CACNA2D3: variants seen among roughly 807,000 people sequenced by gnomAD.
The protein encoded by CACNA2D3 is calcium voltage-gated channel auxiliary subunit alpha2delta 3.
CACNA2D3 carries 60 observed loss-of-function variants against 160.6 expected under a neutral mutation model. The ratio of observed to expected loss-of-function variants is 0.37; its 90% CI spans 0.30 to 0.46. The LOEUF (loss-of-function observed/expected upper bound fraction) is 0.46, where lower values mean the gene tolerates loss of function less well. CACNA2D3 is among the 20% of genes least tolerant of loss of function. The pLI, the probability that CACNA2D3 is intolerant of heterozygous loss-of-function variation, is 1.00. For synonymous variants in CACNA2D3, 558 were observed against 492.9 expected, an observed-to-expected ratio of 1.13 and a Z score of -1.75; for missense variants, 1,205 against 1,365.0, an observed-to-expected ratio of 0.88 and a Z score of 1.85.
chr3:54,945,949 C>T (rs1343251423), intron 27 of CACNA2D3, among the ~76,000 whole-genome samples: 5 of 152,190 alleles, frequency 3.3e-5, no homozygotes, highest in South Asian at 2.1e-4. Context: ...ACCTCTATCC[C>T]GGCTCCTGCT....
At chr3:54,650,965 C>G (rs1699752601) in intron 11 of CACNA2D3, among the ~76,000 whole-genome samples, 1 of 152,280 alleles carries the variant, frequency 6.6e-6, no homozygotes, top group Admixed American at 6.5e-5. Flanking sequence ...ATCGTTATCC[C>G]CTTTCACAGT....
At chr3:54,793,907 A>G (rs1702811843) in intron 13 of CACNA2D3, among the ~76,000 whole-genome samples, 1 of 152,066 alleles carries the variant, frequency 6.6e-6, no homozygotes, top group African/African-American at 2.4e-5. Flanking sequence ...TCTTTTGTAG[A>G]TATAGGGCTA....
At chr3:54,360,671 A>C (rs1312395154) in intron 3 of CACNA2D3, among the ~76,000 whole-genome samples, 1 of 152,160 alleles carries the variant, frequency 6.6e-6, no homozygotes, top group Non-Finnish European at 1.5e-5. Context: ...AGGCATGTTG[A>C]TACTGGCAGA....
intron 5 of CACNA2D3, among the ~76,000 whole-genome samples, chr3:54,516,433 C>G (rs991350896): frequency 1.3e-4 from 20 of 152,108 alleles, no homozygotes; most frequent in African/African-American, 4.6e-4. Flanking sequence ...GGTGGTAGAA[C>G]AATTCTGGAG....
At chr3:54,434,510 T>C (rs1169103984) in intron 4 of CACNA2D3, among the ~76,000 whole-genome samples, 1 of 152,232 alleles carries the variant, frequency 6.6e-6, no homozygotes, top group African/African-American at 2.4e-5. Flanking sequence ...TTCAGGGCTT[T>C]TGGGTGGTCC....
chr3:54,707,014 G>A (rs987064714), intron 11 of CACNA2D3, among the ~76,000 whole-genome samples: 2 of 152,168 alleles, frequency 1.3e-5, no homozygotes, highest in South Asian at 2.1e-4. Context: ...TTCTGCCCAA[G>A]TTATTTCTCT....
At chr3:54,773,312 AG>A (rs1273488712) in intron 13 of CACNA2D3, among the ~76,000 whole-genome samples, 3 of 152,234 alleles carry the variant, frequency 2.0e-5, no homozygotes, top group African/African-American at 7.2e-5. Context: ...AGCCATCCTA[AG>A]GATGTTCTTG....
intron 5 of CACNA2D3, among the ~76,000 whole-genome samples, chr3:54,552,938 A>G (rs1702183451): frequency 1.3e-5 from 2 of 152,338 alleles, no homozygotes; most frequent in South Asian, 4.1e-4. Flanking sequence ...CTAATCATTC[A>G]CCAGGGAATG....
intron 2 of CACNA2D3, among the ~76,000 whole-genome samples, chr3:54,204,477 A>T (rs898409398): frequency 1.3e-5 from 2 of 152,130 alleles, no homozygotes; most frequent in African/African-American, 4.8e-5. Flanking sequence ...AGGTGAAAAC[A>T]ATCAGAAAAA....
rs116708791 is a variant in CACNA2D3, at chr3:54,925,751, C to T, written c.2449+25883C>T. Among the ~76,000 whole-genome samples the T allele has an allele frequency of 3.4e-3, 521 of 152,280 alleles. 3 individuals are homozygous for T. Among genetic ancestry groups the T allele is most frequent in the Non-Finnish European group, 5.4e-3 (369 of 68,024 alleles). On this transcript the variant is annotated intron_variant, in intron 27 of 37. Transcript: ENST00000474759. Reference sequence around the variant, plus strand: ...GCTCTTGAGATGCAACTACTGCAACCAAGGAACTGAATTTTTATTTGTATT... The same window carrying T: ...GCTCTTGAGATGCAACTACTGCAACTAAGGAACTGAATTTTTATTTGTATT...
At chr3:54,198,467 A>C (rs1259308121) in intron 2 of CACNA2D3, among the ~76,000 whole-genome samples, 1 of 152,180 alleles carries the variant, frequency 6.6e-6, no homozygotes, top group African/African-American at 2.4e-5. Flanking sequence ...ACCTCAATAG[A>C]GTATTGATGG....
chr3:54,499,231 C>G (rs1701249514), intron 4 of CACNA2D3, among the ~76,000 whole-genome samples: 2 of 152,138 alleles, frequency 1.3e-5, no homozygotes, highest in Non-Finnish European at 1.5e-5. Flanking sequence ...AGTATAATCT[C>G]TGTGATTGCA....
intron 2 of CACNA2D3, among the ~76,000 whole-genome samples, chr3:54,210,046 T>C (rs1479862744): frequency 6.6e-6 from 1 of 152,186 alleles, no homozygotes; most frequent in Non-Finnish European, 1.5e-5. Context: ...AGAAGATCCA[T>C]ACCTTGATGG....
chr3:54,232,674 T>C (rs1352043762), intron 2 of CACNA2D3, among the ~76,000 whole-genome samples: 1 of 152,144 alleles, frequency 6.6e-6, no homozygotes, highest in Non-Finnish European at 1.5e-5. Flanking sequence ...CCTGTGTGGC[T>C]CTTTGTAAGT....
In CACNA2D3 at chr3:54,934,495, G is replaced by T. The variant is rs1169261543; in HGVS notation, c.2450-33955G>T. Among the ~76,000 whole-genome samples, 4 of 152,326 alleles carry T rather than the reference G, an allele frequency of 2.6e-5. No individual in the cohort carries two copies. In the East Asian group the frequency reaches 7.7e-4, roughly 29 times the overall value. On this transcript the variant is annotated intron_variant, in intron 27 of 37. Coordinates refer to ENST00000474759, the MANE Select transcript of CACNA2D3 (RefSeq NM_018398.3). ...TTTACTGCATATGAATATCAGCGGA[G>T]TTTGAACTCCCTTTAGCAGGCCTTG...
In CACNA2D3 at chr3:54,888,678, T is replaced by C. The variant is rs143845553; in HGVS notation, c.2150+626T>C. 2.4e-3 allele frequency among the ~76,000 whole-genome samples: 364 copies of C among 152,278 alleles called. 2 individuals are homozygous for C. The highest frequency in any genetic ancestry group is 4.1e-3 in the Non-Finnish European group (279 of 68,040). On this transcript the variant is annotated intron_variant, in intron 24 of 37. Transcript: ENST00000474759. ...CATGATTCATTTCTCTCCACTTTTC[T>C]GTTCTTCCTTAGTTCATTCCCTCAT...
chr3:54,579,011 C>T (rs958473034), intron 8 of CACNA2D3, among the ~76,000 whole-genome samples: 9 of 152,124 alleles, frequency 5.9e-5, no homozygotes, highest in Non-Finnish European at 1.2e-4. Context: ...AGTGAGTACA[C>T]GGTAGAGGCA....
At chr3:54,989,982 A>T (rs544909090) in intron 31 of CACNA2D3, among the ~76,000 whole-genome samples, 25 of 152,252 alleles carry the variant, frequency 1.6e-4, no homozygotes, top group Admixed American at 1.6e-3. Flanking sequence ...TTCAGAGAAG[A>T]TCTATAGTTC....
At chr3:54,658,688 A>G (rs962040926) in intron 11 of CACNA2D3, among the ~76,000 whole-genome samples, 4 of 152,230 alleles carry the variant, frequency 2.6e-5, no homozygotes, top group Non-Finnish European at 5.9e-5. Flanking sequence ...CTGCACAGCA[A>G]CGGATACAAT....
Sources: gnomAD v4.1 joint callset for allele counts (sites outside exome capture counted in the v4.1 genomes callset) on GRCh38, gnomAD v4.1.1 for gene constraint, MANE v1.5 for transcripts, NCBI Gene and HGNC (gene_info 2026-07-23, HGNC 2026-07-21) for gene names.